The following MEMO1 variants were observed in gnomAD, a reference collection of about 807,000 sequenced individuals.
MEMO1 encodes protein MEMO1.
A neutral mutation model predicts 45.2 loss-of-function variants in MEMO1; 6 were observed. The observed-to-expected ratio is 0.13, with a 90% confidence interval of 0.07 to 0.26. MEMO1 has a LOEUF of 0.26. Among genes scored for constraint, MEMO1 ranks in the 10% least tolerant of loss-of-function variants. The pLI is 1.00. For missense variants in MEMO1, 184 were observed against 370.5 expected (o/e 0.50, Z 4.13); for synonymous variants, 78 against 124.3 (o/e 0.63, Z 2.48).
intron 2 of MEMO1, among the ~76,000 whole-genome samples, chr2:31,975,794 G>A (rs1327321673): frequency 6.6e-6 from 1 of 152,162 alleles, no homozygotes; most frequent in Non-Finnish European, 1.5e-5. Context: ...AATGTCCAGA[G>A]TTGGACTGTA....
At chr2:31,873,819 C>A (rs918181504) in intron 8 of MEMO1, among the ~76,000 whole-genome samples, 7 of 151,912 alleles carry the variant, frequency 4.6e-5, no homozygotes, top group Admixed American at 2.6e-4. Context: ...ATTCTAGTTT[C>A]TTTAAGAGGT....
chr2:31,889,258 T>A (rs575956367), intron 7 of MEMO1, among the ~76,000 whole-genome samples: 1 of 152,100 alleles, frequency 6.6e-6, no homozygotes, highest in Admixed American at 6.6e-5. Context: ...CTGCAATAAT[T>A]TTTTTCCCCA....
intron 6 of MEMO1, among the ~76,000 whole-genome samples, chr2:31,905,715 G>A (rs1679566661): frequency 6.6e-6 from 1 of 152,162 alleles, no homozygotes; most frequent in Admixed American, 6.5e-5. Context: ...ATAAGGCCTT[G>A]AACTTCATAT....
intron 6 of MEMO1, among the ~76,000 whole-genome samples, chr2:31,894,473 T>C (rs1677439471): frequency 6.6e-6 from 1 of 152,214 alleles, no homozygotes; most frequent in African/African-American, 2.4e-5. Context: ...AGAAATTTAA[T>C]AGACAGATCC....
chr2:31,969,586 G>GTGTGTGT (rs1669090004), intron 2 of MEMO1, among the ~76,000 whole-genome samples: 21 of 119,262 alleles, frequency 1.8e-4, no homozygotes, highest in African/African-American at 5.6e-4. Flanking sequence ...TGTGTGTGTG[G>GTGTGTGT]GTGTGTGTGT....
In MEMO1 at chr2:31,932,071, T is replaced by C. The variant is rs201060162; in HGVS notation, c.208A>G (p.Ile70Val). ...AAACAAAACTACATTACTTACGTAA[T>C]AGACGGATCCACTTGTTTATAAGCA... Reference protein sequence around the residue: ...AHAYKQVDPSITRRIFILGPS... With the variant: ...AHAYKQVDPSVTRRIFILGPS... Residue 70 changes from isoleucine to valine, a missense_variant, in exon 4 of 10, where the codon ATT (isoleucine) becomes GTT (valine). Physicochemically the swap from Ile to Val is conservative, Grantham distance 29 (BLOSUM62 3). Around this residue, in one of 3 missense-constraint regions of MEMO1, gnomAD observed 60 missense variants for 79.2 expected, o/e 0.76. Coordinates refer to ENST00000404530, the MANE Select transcript of MEMO1 (RefSeq NM_001301833.4). The C allele has an allele frequency of 2.0e-5, 33 of 1,612,962 alleles. No individual in the cohort carries two copies. Among genetic ancestry groups the C allele is most frequent in the African/African-American group, 1.1e-4 (8 of 75,034 alleles).
At chr2:32,008,178 T>C (rs753454930) in intron 2 of MEMO1, among the ~76,000 whole-genome samples, 2 of 152,232 alleles carry the variant, frequency 1.3e-5, no homozygotes, top group Non-Finnish European at 2.9e-5. Flanking sequence ...TCTTTCCAAA[T>C]CCAAGTGTAA....
intron 6 of MEMO1, among the ~76,000 whole-genome samples, chr2:31,902,778 A>G (rs1679060583): frequency 6.6e-6 from 1 of 151,814 alleles, no homozygotes; most frequent in Admixed American, 6.6e-5. Flanking sequence ...TAGACACAGG[A>G]TCTTGCTCTG....
intron 6 of MEMO1, among the ~76,000 whole-genome samples, chr2:31,917,557 C>A (rs1167550502): frequency 6.6e-6 from 1 of 152,120 alleles, no homozygotes; most frequent in East Asian, 1.9e-4. Flanking sequence ...ACATTAAATA[C>A]AAGCCTAAAA....
At chr2:32,000,609 G>A (rs371577139) in intron 2 of MEMO1, among the ~76,000 whole-genome samples, 1 of 151,608 alleles carries the variant, frequency 6.6e-6, no homozygotes, top group African/African-American at 2.4e-5. Context: ...CAAGTGATCC[G>A]CCCTCCTCGG....
intron 8 of MEMO1, among the ~76,000 whole-genome samples, chr2:31,870,515 C>A (rs1673546988): frequency 6.6e-6 from 1 of 152,002 alleles, no homozygotes; most frequent in African/African-American, 2.4e-5. Context: ...ATGACACGAA[C>A]TAAGAAAAAA....
intron 2 of MEMO1, among the ~76,000 whole-genome samples, chr2:31,988,509 G>C (rs745873150): frequency 6.6e-6 from 1 of 152,044 alleles, no homozygotes; most frequent in Non-Finnish European, 1.5e-5. Flanking sequence ...ATGGGGCACT[G>C]CACTCCAGCC....
intron 9 of MEMO1, 34 bp from the exon 10 acceptor site, chr2:31,868,526 T>A: frequency 6.4e-7 from 1 of 1,553,994 alleles, no homozygotes; most frequent in Non-Finnish European, 8.7e-7. Context: ...AGGACACACA[T>A]CACATAAAAA....
chr2:31,868,970 T>A (rs756199766), intron 9 of MEMO1, among the ~76,000 whole-genome samples: 8 of 152,228 alleles, frequency 5.3e-5, no homozygotes, highest in Non-Finnish European at 1.2e-4. Flanking sequence ...CAAATTTTAT[T>A]TGATTCAATT....
At chr2:31,987,361 G>A in intron 2 of MEMO1, among the ~76,000 whole-genome samples, 1 of 152,122 alleles carries the variant, frequency 6.6e-6, no homozygotes, top group South Asian at 2.1e-4. Flanking sequence ...GACTAGGAAG[G>A]ATAGGTAGGC....
intron 8 of MEMO1, among the ~76,000 whole-genome samples, chr2:31,877,603 C>T (rs1009120635): frequency 1.3e-5 from 2 of 152,156 alleles, no homozygotes; most frequent in African/African-American, 4.8e-5. Flanking sequence ...GTTTTGTTTA[C>T]AAGTTTACTA....
intron 2 of MEMO1, among the ~76,000 whole-genome samples, chr2:31,996,069 C>A (rs901345542): frequency 2.0e-5 from 3 of 151,856 alleles, no homozygotes; most frequent in Admixed American, 2.0e-4. Context: ...AACATATATC[C>A]CAATATGCAC....
intron 6 of MEMO1, among the ~76,000 whole-genome samples, chr2:31,901,421 GCGA>G (rs1678796321): frequency 6.9e-6 from 1 of 144,996 alleles, no homozygotes; most frequent in Non-Finnish European, 1.5e-5. Flanking sequence ...ACCAAGACAT[GCGA>G]CAACAGGGAT....
At chr2:31,953,976 A>T (rs948679984) in intron 2 of MEMO1, among the ~76,000 whole-genome samples, 1 of 152,178 alleles carries the variant, frequency 6.6e-6, no homozygotes, top group African/African-American at 2.4e-5. Flanking sequence ...AAATATTCTG[A>T]TTTTTTAAAA....
Sources: allele counts gnomAD v4.1 joint callset (sites outside exome capture counted in the v4.1 genomes callset), GRCh38; gene constraint gnomAD v4.1.1; regional missense constraint gnomAD v4.1.1; transcripts MANE v1.5; gene names NCBI Gene and HGNC (gene_info 2026-07-23, HGNC 2026-07-21).